The following RAB3IP variants were observed in gnomAD, a reference collection of about 807,000 sequenced individuals.
The protein encoded by RAB3IP is rab-3A-interacting protein.
In RAB3IP, 36 loss-of-function variants were observed where a neutral mutation model predicts 59.1. The observed-to-expected ratio is 0.61, with a 90% CI of 0.47 to 0.80. The LOEUF is 0.80. Among genes scored for constraint, RAB3IP ranks in the 30% least tolerant of loss-of-function variants. RAB3IP has a pLI of 0.00. For missense variants in RAB3IP, 511 were observed against 536.0 expected, an observed-to-expected ratio of 0.95 and a Z score of 0.46; for synonymous variants, 207 against 191.2, an observed-to-expected ratio of 1.08 and a Z score of -0.68.
chr12:69,799,347 G>C (rs1257024984), intron 6 of RAB3IP, among the ~76,000 whole-genome samples: 1 of 152,170 alleles, frequency 6.6e-6, no homozygotes, highest in East Asian at 1.9e-4. Flanking sequence ...GCTCTAGTTT[G>C]GGTGGCTGAT....
rs571904163 is a variant in RAB3IP at position 69,818,326 on chromosome 12, G to C, written c.*2880G>C. On this transcript the variant is annotated 3_prime_UTR_variant, in exon 11 of 11. Coordinates refer to ENST00000247833, the MANE Select transcript of RAB3IP (RefSeq NM_022456.5). ...TAGCTGGGCATGGTGGTGCATGCCT[G>C]TGGTCCCAGCTACTTGGGAAGCTGA... 7 of 152,254 alleles carry C rather than the reference G, an allele frequency of 4.6e-5. No individual in the cohort carries two copies. In the East Asian group the frequency reaches 1.2e-3, roughly 25 times the overall value. The allele number at this position is 152,254 out of a possible 1,614,324, so 9.4% of individuals were successfully genotyped here.
intron 1 of RAB3IP, among the ~76,000 whole-genome samples, chr12:69,746,970 A>G (rs1868410122): frequency 2.6e-5 from 4 of 152,232 alleles, no homozygotes; most frequent in Admixed American, 2.6e-4. Context: ...ATGTCTTGGA[A>G]TATTTAATTT....
intron 7 of RAB3IP, among the ~76,000 whole-genome samples, chr12:69,801,384 A>G (rs548204590): frequency 3.3e-4 from 51 of 152,330 alleles, no homozygotes; most frequent in Admixed American, 1.4e-3. Context: ...CCTCGTCCAG[A>G]TAATGAGGAA....
chr12:69,807,909 G>A (rs1435445102), intron 8 of RAB3IP, among the ~76,000 whole-genome samples: 3 of 151,714 alleles, frequency 2.0e-5, no homozygotes, highest in Admixed American at 2.0e-4. Context: ...CAGATGGGGC[G>A]GCCGGGCGGA....
At chr12:69,803,481 G>GT (rs1045277482) in intron 8 of RAB3IP, among the ~76,000 whole-genome samples, 84 of 148,836 alleles carry the variant, frequency 5.6e-4, no homozygotes, top group Admixed American at 2.1e-3. Flanking sequence ...TTTGGTTTAA[G>GT]TTTTTTTTTT....
chr12:69,805,559 A>C (rs541108867), intron 8 of RAB3IP, among the ~76,000 whole-genome samples: 3,221 of 151,780 alleles, frequency 0.021, 109 homozygotes, highest in African/African-American at 0.073. Context: ...GAGAGAGGGC[A>C]TCCCTGTCTT....
intron 3 of RAB3IP, among the ~76,000 whole-genome samples, chr12:69,759,927 C>T (rs1871014474): frequency 6.6e-6 from 1 of 151,678 alleles, no homozygotes; most frequent in African/African-American, 2.4e-5. Context: ...CTCCCCACAT[C>T]TCAGACGATG....
At chr12:69,795,512 C>G (rs1263427681) in intron 6 of RAB3IP, 168 bp downstream of exon 6, 1 of 613,466 alleles carries the variant, frequency 1.6e-6, no homozygotes. Flanking sequence ...TTCTTCAGTT[C>G]CATTTTCTAC....
At chr12:69,756,784 C>G in intron 3 of RAB3IP, 121 bp downstream of exon 3, 1 of 793,434 alleles carries the variant, frequency 1.3e-6, no homozygotes, top group Non-Finnish European at 2.0e-6. Flanking sequence ...TCACATATGC[C>G]CAGCCTCAGC....
chr12:69,752,552 T>C (rs147883798), intron 1 of RAB3IP, among the ~76,000 whole-genome samples: 7 of 152,276 alleles, frequency 4.6e-5, no homozygotes, highest in African/African-American at 9.6e-5. Flanking sequence ...AGTTTATCTT[T>C]AGGATAAAGC....
Position 69,820,132 on chromosome 12 carries a change from T to C in RAB3IP, c.*4686T>C, listed in dbSNP as rs997612466. ...TTGTTGCATTTTTCCCTAGATAAAA[T>C]GTTTTTTCTATAAGACACTGCTTAA... On this transcript the variant is annotated 3_prime_UTR_variant, in exon 11 of 11. Coordinates refer to ENST00000247833, the MANE Select transcript of RAB3IP (RefSeq NM_022456.5). 6.6e-6 allele frequency: 1 copy of C among 152,250 alleles called. No homozygotes were observed. Among genetic ancestry groups the C allele is most frequent in the African/African-American group, 2.4e-5 (1 of 41,458 alleles). 9.4% of individuals were successfully genotyped at this position (152,250 alleles called of 1,614,324 possible). A position where few individuals can be genotyped will look rare whatever the true frequency, so the allele number is the denominator to read the frequency against.
At chr12:69,750,100 G>A (rs1868992696) in intron 1 of RAB3IP, among the ~76,000 whole-genome samples, 1 of 152,218 alleles carries the variant, frequency 6.6e-6, no homozygotes, top group Admixed American at 6.5e-5. Context: ...AGCTTGGACA[G>A]TAGGGTCTAA....
chr12:69,756,640 G>GA lies in RAB3IP; in HGVS notation c.489dup (p.Glu164ArgfsTer14). 1 of 1,613,688 alleles carries GA rather than the reference G, an allele frequency of 6.2e-7. No homozygotes were observed. The highest frequency in any genetic ancestry group is 8.5e-7 in the Non-Finnish European group (1 of 1,179,782). ...AGAAAAGGGCTATGAACGATTAAAA[G>GA]AAGAACTCGCAAAAGCTCAGAGGGT... On this transcript the variant is annotated frameshift_variant, in exon 3 of 11. Transcript: ENST00000247833. LOFTEE classifies it high-confidence loss of function.
intron 4 of RAB3IP, among the ~76,000 whole-genome samples, chr12:69,787,800 A>G (rs1592559163): frequency 6.6e-6 from 1 of 152,176 alleles, no homozygotes; most frequent in African/African-American, 2.4e-5. Context: ...TATGATGAAG[A>G]TAACTAATAT....
At chr12:69,738,469 G>A (rs1468858667), upstream of RAB3IP, 10 of 152,242 alleles carry the variant, frequency 6.6e-5, no homozygotes, top group Non-Finnish European at 1.5e-5. Context: ...TGGCCGCGGA[G>A]TCTCAGGTTG....
rs1228845436 is a variant in RAB3IP, at chr12:69,772,171, T to C, written c.511-12549T>C. ...GCCCCCTTATCATTACATAATACTC[T>C]TGTTTCTTCTTACAATTTTTGGCTT... On this transcript the variant is annotated intron_variant, in intron 3 of 10. Transcript: ENST00000247833. Among the ~76,000 whole-genome samples, 4 of 152,312 alleles carry C rather than the reference T, an allele frequency of 2.6e-5. No homozygotes were observed. The East Asian group carries it at 7.7e-4, about 29-fold the overall frequency.
chr12:69,740,248 A>G (rs984186126), intron 1 of RAB3IP, among the ~76,000 whole-genome samples: 1 of 152,116 alleles, frequency 6.6e-6, no homozygotes, highest in Non-Finnish European at 1.5e-5. Context: ...TAAATATTTG[A>G]TACTGTTAAA....
chr12:69,783,834 C>T (rs1216573752), intron 3 of RAB3IP, among the ~76,000 whole-genome samples: 2 of 152,166 alleles, frequency 1.3e-5, no homozygotes, highest in Admixed American at 6.5e-5. Flanking sequence ...TCCACATTCT[C>T]TTAGTATTCT....
chr12:69,794,654 A>G (rs1360104708), intron 5 of RAB3IP, 140 bp downstream of exon 5: 1 of 614,174 alleles, frequency 1.6e-6, no homozygotes, highest in Admixed American at 3.3e-5. Flanking sequence ...ATAGAAGAAA[A>G]TAGCTACTAT....
Sources: gnomAD v4.1 joint callset for allele counts (sites outside exome capture counted in the v4.1 genomes callset) on GRCh38, gnomAD v4.1.1 for gene constraint, MANE v1.5 for transcripts, NCBI Gene and HGNC (gene_info 2026-07-23, HGNC 2026-07-21) for gene names.